The following MEGF8 variants were observed in gnomAD, a reference collection of about 807,000 sequenced individuals.
MEGF8 encodes multiple EGF like domains 8, also known as multiple epidermal growth factor-like domains protein 8.
A neutral mutation model predicts 302.9 loss-of-function variants in MEGF8; 156 were observed. The ratio of observed to expected loss-of-function variants is 0.52; its 90% CI spans 0.45 to 0.59. The LOEUF is 0.59. Among genes scored for constraint, MEGF8 ranks in the 20% least tolerant of loss-of-function variants. The pLI is 0.00. For synonymous variants in MEGF8, 1,621 were observed against 1,660.5 expected (o/e 0.98, Z 0.58); for missense variants, 3,345 against 3,964.5 (o/e 0.84, Z 4.20).
chr19:42,344,290 C>T lies in MEGF8; in HGVS notation c.1789-151C>T. ...GCCCGTGACCCCATCCCCGCATCCC[C>T]CGTCCTCTGGATCTCCCACATTCCA... On this transcript the variant is annotated intron_variant, in intron 10 of 41. Transcript: ENST00000251268. The surrounding 1 kb of genome is among the most constrained non-coding windows in gnomAD (Gnocchi z 4.5). 1 of 1,190,936 alleles carries T rather than the reference C, an allele frequency of 8.4e-7. No individual in the cohort carries two copies. Among genetic ancestry groups the T allele is most frequent in the Non-Finnish European group, 1.1e-6 (1 of 869,658 alleles). 73.8% of individuals were successfully genotyped at this position (1,190,936 alleles called of 1,614,324 possible).
intron 8 of MEGF8, among the ~76,000 whole-genome samples, chr19:42,338,801 C>CTTTTTTTTTTTTT: frequency 1.8e-5 from 1 of 54,362 alleles, no homozygotes; most frequent in Non-Finnish European, 4.2e-5. Context: ...ACCACATTTT[C>CTTTTTTTTTTTTT]TTTTTTTTTT....
chr19:42,341,397 C>T (rs1008139637), intron 8 of MEGF8, among the ~76,000 whole-genome samples: 1 of 147,750 alleles, frequency 6.8e-6, no homozygotes, highest in Non-Finnish European at 1.5e-5. Flanking sequence ...CCACTGCACT[C>T]CAGCCTGGGT....
At chr19:42,364,558 A>C (rs2147500308) in intron 35 of MEGF8, among the ~76,000 whole-genome samples, 1 of 152,266 alleles carries the variant, frequency 6.6e-6, no homozygotes, top group Middle Eastern at 3.4e-3. Flanking sequence ...ACTTCGTGGA[A>C]ATTCGAGACC....
intron 8 of MEGF8, among the ~76,000 whole-genome samples, chr19:42,340,504 C>T (rs2039196694): frequency 6.6e-6 from 1 of 152,054 alleles, no homozygotes; most frequent in African/African-American, 2.4e-5. Flanking sequence ...GCTGGGATTA[C>T]AGGCGTGAGC....
At chr19:42,366,924 C>T (rs1299258326) in intron 35 of MEGF8, among the ~76,000 whole-genome samples, 2 of 152,202 alleles carry the variant, frequency 1.3e-5, no homozygotes, top group African/African-American at 2.4e-5. Context: ...CAGCAAGTCT[C>T]AGTGATTTGC....
Position 42,335,388 on chromosome 19 carries a change from A to G in MEGF8, c.828+3A>G. The G allele has an allele frequency of 6.2e-7, 1 of 1,613,762 alleles. No individual in the cohort carries two copies. The highest frequency in any genetic ancestry group is 8.5e-7 in the Non-Finnish European group (1 of 1,179,676). ...CTTGGGACCTGAGTCCTGCCCCGGT[A>G]TGGACCCCTCCTCTGCCCTGGAGGA... is the stretch of plus-strand genomic sequence containing the variant. On this transcript the variant is annotated splice_donor_region_variant and intron_variant, in intron 5 of 41. Transcript: ENST00000251268.
In MEGF8 at chr19:42,375,404, T is replaced by C. The variant is rs536042379; in HGVS notation, c.7270-103T>C. 8.3e-6 allele frequency: 10 copies of C among 1,207,676 alleles called. No homozygotes were observed. The highest frequency in any genetic ancestry group is 6.3e-5 in the South Asian group (4 of 63,852). 74.8% of individuals were successfully genotyped at this position (1,207,676 alleles called of 1,614,324 possible). The stretch of plus-strand genomic sequence containing the variant: ...GCAGTGGGGGTGAGGCCCAGGGCAA[T>C]GGCTACTTAGCAGTGGGTATAGAGT... On this transcript the variant is annotated intron_variant, in intron 41 of 41. Transcript: ENST00000251268. This position sits in a 1 kb window ranked among gnomAD's most constrained non-coding sequence, Gnocchi z 7.1.
In MEGF8 at chr19:42,353,506, A is replaced by C. The variant is rs534194675; in HGVS notation, c.3592A>C (p.Ser1198Arg). 1 of 1,610,762 alleles carries C rather than the reference A, an allele frequency of 6.2e-7. No individual in the cohort carries two copies. The highest frequency in any genetic ancestry group is 1.3e-5 in the African/African-American group (1 of 75,024). Residue 1198 changes from serine to arginine, a missense_variant, in exon 21 of 42, where the codon AGC (serine) becomes CGC (arginine). Coordinates refer to ENST00000251268, the MANE Select transcript of MEGF8 (RefSeq NM_001271938.2). The surrounding 1 kb of genome is among the most constrained non-coding windows in gnomAD (Gnocchi z 6.1). ...GEHCERCRPGSFGNATGSRGC... is the reference protein window; with the variant it reads ...GEHCERCRPGRFGNATGSRGC... ...GCACTGCGAACGATGCCGGCCCGGC[A>C]GCTTCGGCAACGCCACAGGCTCTAG...
chr19:42,373,808 G>T (rs2039727815), intron 41 of MEGF8, among the ~76,000 whole-genome samples: 1 of 149,480 alleles, frequency 6.7e-6, no homozygotes, highest in Non-Finnish European at 1.5e-5. Flanking sequence ...GAACTCCTGA[G>T]CTCAAGTGAT....
At position 42,368,105 on chromosome 19, in the gene MEGF8, A is replaced by G. The variant is rs1269646497; in HGVS notation, c.6274-350A>G. Among the ~76,000 whole-genome samples, 1 of 152,046 alleles carries G rather than the reference A, an allele frequency of 6.6e-6. No homozygotes were observed. The highest frequency in any genetic ancestry group is 1.5e-5 in the Non-Finnish European group (1 of 68,004). On this transcript the variant is annotated intron_variant, in intron 35 of 41. Transcript: ENST00000251268. This position sits in a 1 kb window ranked among gnomAD's most constrained non-coding sequence, Gnocchi z 4.9. ...AGCTAATTTTTTATATTTTGTAGAGATGGTGTCTCACTGTGCTGCCCAGGC... is the reference window on the plus strand; with the variant it reads ...AGCTAATTTTTTATATTTTGTAGAGGTGGTGTCTCACTGTGCTGCCCAGGC...
intron 12 of MEGF8, among the ~76,000 whole-genome samples, chr19:42,346,547 C>T (rs1053912936): frequency 6.6e-6 from 1 of 152,054 alleles, no homozygotes; most frequent in South Asian, 2.1e-4. Context: ...CATGGTGATG[C>T]GTGCCTGTAG....
At chr19:42,370,680 A>G (rs1277061169) in intron 39 of MEGF8, 21 bp from the exon 40 acceptor site, 1 of 1,587,348 alleles carries the variant, frequency 6.3e-7, no homozygotes, top group African/African-American at 1.3e-5. Context: ...TTCTATGATC[A>G]CACTGTCCTT....
At chr19:42,374,642 C>T (rs1397116050) in intron 41 of MEGF8, among the ~76,000 whole-genome samples, 1 of 152,114 alleles carries the variant, frequency 6.6e-6, no homozygotes, top group Non-Finnish European at 1.5e-5. Context: ...TCATTGAGCA[C>T]CTAGTATATG....
Position 42,375,629 on chromosome 19 carries a change from G to A in MEGF8, c.7392G>A (p.Glu2464=). 6.2e-7 allele frequency: 1 copy of A among 1,608,224 alleles called. No individual in the cohort carries two copies. Among genetic ancestry groups the A allele is most frequent in the African/African-American group, 1.3e-5 (1 of 74,924 alleles). ...CGTCCCAGACCAACTGCTTCCATGA[G>A]CCCAAACGCCGGGCGCTAGGCCCCG... is the stretch of plus-strand genomic sequence containing the variant. ...DPTSQTNCFH[E]PKRRALGPGR... The change falls in exon 42 of 42, where the codon GAG becomes GAA. Residue 2464 remains glutamate (E), a synonymous_variant. Transcript: ENST00000251268. This position sits in a 1 kb window ranked among gnomAD's most constrained non-coding sequence, Gnocchi z 7.1.
At chr19:42,365,092 G>A (rs2039585250) in intron 35 of MEGF8, among the ~76,000 whole-genome samples, 1 of 152,202 alleles carries the variant, frequency 6.6e-6, no homozygotes, top group Non-Finnish European at 1.5e-5. Context: ...AGAAGCCCCT[G>A]TGATTTTGGT....
chr19:42,360,997 A>C lies in MEGF8; in HGVS notation c.5711A>C (p.Gln1904Pro). 6.5e-7 allele frequency: 1 copy of C among 1,548,108 alleles called. No individual in the cohort carries two copies. Among genetic ancestry groups the C allele is most frequent in the South Asian group, 1.2e-5 (1 of 80,884 alleles). The change falls in exon 32 of 42, where the codon CAG (glutamine) becomes CCG (proline). Residue 1904 changes from glutamine (Q) to proline (P), a missense_variant. By Grantham distance (76) the Gln-to-Pro change is moderately conservative. Coordinates refer to ENST00000251268, the MANE Select transcript of MEGF8 (RefSeq NM_001271938.2). Reference sequence around the variant, plus strand: ...CATGGGGCCTGCTTGTCCGGGGATCAGGCCCACAGGTAACCATGGCGACCA... The same window carrying C: ...CATGGGGCCTGCTTGTCCGGGGATCCGGCCCACAGGTAACCATGGCGACCA... ...WCHGACLSGD[Q>P]AHRLGCGGSP... is the part of the protein sequence containing the mutation.
At chr19:42,360,719 G>T (rs1218942821) in intron 31 of MEGF8, 56 bp from the exon 32 acceptor site, 27 of 1,545,850 alleles carry the variant, frequency 1.7e-5, no homozygotes, top group South Asian at 1.2e-4. Flanking sequence ...CATGGTGTGG[G>T]TCTCTTCCTG....
chr19:42,355,350 T>C (rs1363376587), intron 23 of MEGF8, among the ~76,000 whole-genome samples: 1 of 152,192 alleles, frequency 6.6e-6, no homozygotes, highest in African/African-American at 2.4e-5. Context: ...GTATCTTTTC[T>C]AAAGAGATCC....
rs1239149569 is a variant in MEGF8 at position 42,375,813 on chromosome 19, A to C, written c.7576A>C (p.Ile2526Leu). The change falls in exon 42 of 42, where the codon ATC becomes CTC. Residue 2526 changes from isoleucine to leucine, a missense_variant. Ile to Leu is a conservative substitution (Grantham distance 5, BLOSUM62 2). Transcript: ENST00000251268. The surrounding 1 kb of genome is among the most constrained non-coding windows in gnomAD (Gnocchi z 7.1). ...TGACACTGGCGTCCATACTGTACAC[A>C]TCCAGCCACCCCCAGCCCCACCACC... is the stretch of plus-strand genomic sequence containing the variant. ...APDTGVHTVH[I>L]QPPPAPPPPP... 1 of 1,612,282 alleles carries C rather than the reference A, an allele frequency of 6.2e-7. No individual in the cohort carries two copies. The highest frequency in any genetic ancestry group is 8.5e-7 in the Non-Finnish European group (1 of 1,179,746).
Sources: allele counts gnomAD v4.1 joint callset (sites outside exome capture counted in the v4.1 genomes callset), GRCh38; gene constraint gnomAD v4.1.1; non-coding constraint Gnocchi (gnomAD v3.1); transcripts MANE v1.5; gene names NCBI Gene and HGNC (gene_info 2026-07-23, HGNC 2026-07-21).